The following BCAS3 variants were observed in gnomAD, a reference collection of about 807,000 sequenced individuals.
BCAS3 encodes BCAS4/BCAS3 fusion.
In BCAS3, 53 loss-of-function variants were observed where a neutral mutation model predicts 116.1. The observed-to-expected ratio is 0.46, with a 90% CI of 0.37 to 0.57. The LOEUF (loss-of-function observed/expected upper bound fraction) is 0.57, where lower values mean the gene tolerates loss of function less well. Ranked by LOEUF, BCAS3 falls within the 20% of genes least tolerant of loss-of-function variation. The pLI is 0.00. For synonymous variants in BCAS3, 391 were observed against 408.2 expected, an observed-to-expected ratio of 0.96 and a Z score of 0.51; for missense variants, 917 against 1,165.4, an observed-to-expected ratio of 0.79 and a Z score of 3.10.
At chr17:61,011,980 T>A (rs1425098834) in intron 15 of BCAS3, among the ~76,000 whole-genome samples, 1 of 151,530 alleles carries the variant, frequency 6.6e-6, no homozygotes, top group Non-Finnish European at 1.5e-5. Flanking sequence ...CTGCTTTATT[T>A]TCTACTAGAA....
chr17:60,739,670 C>T lies in BCAS3; in HGVS notation c.322-7528C>T, dbSNP rs535070646. Among the ~76,000 whole-genome samples, 151 of 152,186 alleles carry T rather than the reference C, an allele frequency of 9.9e-4. 1 individual carries two copies. The Middle Eastern group carries it at 0.01, about 10-fold the overall frequency. On this transcript the variant is annotated intron_variant, in intron 5 of 23. Transcript: ENST00000407086. The stretch of plus-strand genomic sequence containing the variant: ...TTTTATTTCACCTTCACTTATTCTT[C>T]TCTGTTGTTTTTCTTTCCTTATGTA...
intron 6 of BCAS3, among the ~76,000 whole-genome samples, chr17:60,770,344 T>C (rs2044539492): frequency 6.7e-6 from 1 of 150,030 alleles, no homozygotes; most frequent in African/African-American, 2.4e-5. Flanking sequence ...TTCTCTCTCC[T>C]TACTTGTTAC....
rs946632527 is a variant in BCAS3, at chr17:61,228,105, C to T, written c.2426-140222C>T. Among the ~76,000 whole-genome samples, 14 of 152,122 alleles carry T rather than the reference C, an allele frequency of 9.2e-5. No individual in the cohort carries two copies. Among genetic ancestry groups the T allele is most frequent in the Non-Finnish European group, 1.5e-4 (10 of 68,022 alleles). ...CATACTCCTGCTTCACCCTCAAGGC[C>T]CAGTAGAAACCAGCAGTAGGACCTT... On this transcript the variant is annotated intron_variant, in intron 22 of 23. Coordinates refer to ENST00000407086, the MANE Select transcript of BCAS3 (RefSeq NM_017679.5). This position sits in a 1 kb window ranked among gnomAD's most constrained non-coding sequence, Gnocchi z 5.0.
chr17:61,153,288 A>G (rs1032141851), intron 22 of BCAS3, among the ~76,000 whole-genome samples: 11 of 152,182 alleles, frequency 7.2e-5, no homozygotes, highest in Admixed American at 2.6e-4. Context: ...TTATGGGCCA[A>G]GTAAAGTAAA....
intron 22 of BCAS3, among the ~76,000 whole-genome samples, chr17:61,338,987 A>C (rs2056942258): frequency 6.6e-6 from 1 of 150,700 alleles, no homozygotes; most frequent in Admixed American, 6.6e-5. Context: ...GTCCCTCTTC[A>C]TACCCCATTT....
intron 19 of BCAS3, among the ~76,000 whole-genome samples, chr17:61,054,720 C>G (rs2069201172): frequency 1.3e-5 from 2 of 152,180 alleles, no homozygotes; most frequent in African/African-American, 2.4e-5. Flanking sequence ...AGGAATGTCT[C>G]TATAAAGGGC....
chr17:61,054,973 T>C (rs990589259), intron 19 of BCAS3, among the ~76,000 whole-genome samples: 1 of 152,242 alleles, frequency 6.6e-6, no homozygotes, highest in African/African-American at 2.4e-5. Flanking sequence ...CTATCAGAAC[T>C]CTGCTCCTGA....
intron 7 of BCAS3, among the ~76,000 whole-genome samples, chr17:60,839,181 T>A (rs923538446): frequency 6.6e-6 from 1 of 152,240 alleles, no homozygotes; most frequent in Non-Finnish European, 1.5e-5. Flanking sequence ...TTGTGGAACA[T>A]TAAACATATT....
At chr17:60,806,224 G>A (rs2082936906) in intron 6 of BCAS3, among the ~76,000 whole-genome samples, 1 of 152,086 alleles carries the variant, frequency 6.6e-6, no homozygotes, top group South Asian at 2.1e-4. Context: ...GACATTTATG[G>A]AAAGGTATCT....
Position 61,364,699 on chromosome 17 carries a change from C to A in BCAS3, c.2426-3628C>A, listed in dbSNP as rs2058635710. 6.6e-6 allele frequency among the ~76,000 whole-genome samples: 1 copy of A among 152,156 alleles called. No homozygotes were observed. Among genetic ancestry groups the A allele is most frequent in the Admixed American group, 6.5e-5 (1 of 15,278 alleles). On this transcript the variant is annotated intron_variant, in intron 22 of 23. Coordinates refer to ENST00000407086, the MANE Select transcript of BCAS3 (RefSeq NM_017679.5). The surrounding 1 kb of genome is among the most constrained non-coding windows in gnomAD (Gnocchi z 5.4). ...CTTTGGTCTGGGCAAAAGAGTGAGA[C>A]CCCGTCTCAAAACAAAACAAAACAA...
chr17:61,280,896 C>G (rs1250244349), intron 22 of BCAS3, among the ~76,000 whole-genome samples: 1 of 152,122 alleles, frequency 6.6e-6, no homozygotes, highest in African/African-American at 2.4e-5. Context: ...CCAACAAGTC[C>G]CAACTGATTG....
intron 19 of BCAS3, among the ~76,000 whole-genome samples, chr17:61,059,593 A>T (rs1600854662): frequency 6.6e-6 from 1 of 152,300 alleles, no homozygotes; most frequent in East Asian, 1.9e-4. Flanking sequence ...CACCTACTTT[A>T]TGACAGATAC....
chr17:60,712,814 T>C (rs1391016504), intron 5 of BCAS3, among the ~76,000 whole-genome samples: 1 of 152,192 alleles, frequency 6.6e-6, no homozygotes, highest in Non-Finnish European at 1.5e-5. Flanking sequence ...TAGTGCTCTC[T>C]TCATAGGGGA....
At chr17:60,921,551 T>G (rs571476066) in intron 12 of BCAS3, among the ~76,000 whole-genome samples, 222 of 143,076 alleles carry the variant, frequency 1.6e-3, no homozygotes, top group Middle Eastern at 7.5e-3. Flanking sequence ...AGGCGGAGCT[T>G]GCAGTGAGCC....
chr17:60,902,021 ATT>A (rs1276360644), intron 10 of BCAS3, among the ~76,000 whole-genome samples: 3 of 152,226 alleles, frequency 2.0e-5, no homozygotes, highest in Non-Finnish European at 4.4e-5. Context: ...AGTTTGCTTT[ATT>A]TATGTCAGTC....
At chr17:60,953,473 G>A (rs888173476) in intron 14 of BCAS3, among the ~76,000 whole-genome samples, 6 of 151,758 alleles carry the variant, frequency 4.0e-5, no homozygotes, top group African/African-American at 1.2e-4. Context: ...CTAGACTTTT[G>A]TGAGATGCAT....
intron 22 of BCAS3, among the ~76,000 whole-genome samples, chr17:61,338,957 T>A (rs1265531566): frequency 7.1e-6 from 1 of 140,114 alleles, no homozygotes; most frequent in Non-Finnish European, 1.5e-5. Flanking sequence ...CTCTTCTTTC[T>A]CCCCCTTCAT....
intron 7 of BCAS3, among the ~76,000 whole-genome samples, chr17:60,859,197 A>G (rs1293223080): frequency 1.3e-5 from 2 of 152,074 alleles, no homozygotes; most frequent in Non-Finnish European, 2.9e-5. Context: ...TTTTTTTTCC[A>G]ACTTTTATTT....
chr17:60,863,524 C>T (rs1377697966), intron 7 of BCAS3, among the ~76,000 whole-genome samples: 1 of 151,836 alleles, frequency 6.6e-6, no homozygotes, highest in Admixed American at 6.6e-5. Context: ...AGGTGGGGGG[C>T]TTGCTTGAAG....
Sources: allele counts gnomAD v4.1 joint callset (sites outside exome capture counted in the v4.1 genomes callset), GRCh38; gene constraint gnomAD v4.1.1; non-coding constraint Gnocchi (gnomAD v3.1); transcripts MANE v1.5; gene names NCBI Gene and HGNC (gene_info 2026-07-23, HGNC 2026-07-21).